The following TGFA variants were observed in gnomAD, a reference collection of about 807,000 sequenced individuals.
TGFA encodes transforming growth factor alpha.
In TGFA, 12 loss-of-function variants were observed where a neutral mutation model predicts 21.7. The observed-to-expected ratio is 0.55, with a 90% confidence interval of 0.35 to 0.90. The LOEUF (loss-of-function observed/expected upper bound fraction) is 0.90. Among genes scored for constraint, TGFA ranks in the 40% least tolerant of loss-of-function variants. TGFA has a pLI of 0.01. For synonymous variants in TGFA, 79 were observed against 88.1 expected, an observed-to-expected ratio of 0.90 and a Z score of 0.58; for missense variants, 178 against 210.8, an observed-to-expected ratio of 0.84 and a Z score of 0.96.
intron 2 of TGFA, among the ~76,000 whole-genome samples, chr2:70,501,307 G>A (rs1246539709): frequency 6.7e-6 from 1 of 149,482 alleles, no homozygotes; most frequent in Non-Finnish European, 1.5e-5. Flanking sequence ...GCCCTCAAGA[G>A]AGGACAGCCT....
intron 1 of TGFA, among the ~76,000 whole-genome samples, chr2:70,531,733 T>C (rs1553503738): frequency 6.6e-6 from 1 of 152,122 alleles, no homozygotes; most frequent in African/African-American, 2.4e-5. Context: ...TCAAACAATA[T>C]CTGCTGCTAT....
chr2:70,452,030 CA>C (rs1195416704), intron 5 of TGFA, among the ~76,000 whole-genome samples: 2 of 152,178 alleles, frequency 1.3e-5, no homozygotes, highest in African/African-American at 4.8e-5. Flanking sequence ...AGAACAAACA[CA>C]TATGTTCTTG....
At chr2:70,491,636 C>T (rs1225646207) in intron 2 of TGFA, among the ~76,000 whole-genome samples, 1 of 152,216 alleles carries the variant, frequency 6.6e-6, no homozygotes, top group African/African-American at 2.4e-5. Flanking sequence ...CAGCCATGCC[C>T]CTTCCCCGGA....
chr2:70,499,198 A>G (rs2103807838), intron 2 of TGFA, among the ~76,000 whole-genome samples: 1 of 152,344 alleles, frequency 6.6e-6, no homozygotes, highest in Middle Eastern at 3.4e-3. Context: ...TTACCAGTGT[A>G]CACTCACCTC....
chr2:70,499,401 G>A (rs1178303094), intron 2 of TGFA, among the ~76,000 whole-genome samples: 2 of 152,238 alleles, frequency 1.3e-5, no homozygotes, highest in African/African-American at 4.8e-5. Context: ...GAGTATCCCA[G>A]GGCCCGCAGT....
At chr2:70,531,373 T>C (rs551609007) in intron 1 of TGFA, among the ~76,000 whole-genome samples, 1 of 152,320 alleles carries the variant, frequency 6.6e-6, no homozygotes, top group African/African-American at 2.4e-5. Flanking sequence ...TCCGTAGTGA[T>C]TCTCCATGGC....
chr2:70,455,939 T>G (rs1670214896), intron 4 of TGFA, among the ~76,000 whole-genome samples: 1 of 152,216 alleles, frequency 6.6e-6, no homozygotes, highest in Non-Finnish European at 1.5e-5. Context: ...CCTCGACATG[T>G]ATTTGCAAAG....
chr2:70,533,598 A>G (rs1442337245), intron 1 of TGFA, among the ~76,000 whole-genome samples: 1 of 152,140 alleles, frequency 6.6e-6, no homozygotes, highest in African/African-American at 2.4e-5. Context: ...CCTCCCCAAC[A>G]GACCAGCAGG....
chr2:70,494,336 T>A (rs1349700852), intron 2 of TGFA, among the ~76,000 whole-genome samples: 1 of 152,230 alleles, frequency 6.6e-6, no homozygotes, highest in East Asian at 1.9e-4. Context: ...CTGGAGAATA[T>A]GAGTTGGACA....
intron 1 of TGFA, among the ~76,000 whole-genome samples, chr2:70,521,341 C>T (rs906125227): frequency 6.6e-6 from 1 of 152,180 alleles, no homozygotes; most frequent in African/African-American, 2.4e-5. Context: ...TGCCCCTTTT[C>T]CCTGCACAAA....
intron 1 of TGFA, among the ~76,000 whole-genome samples, chr2:70,518,824 G>T (rs1385069507): frequency 6.6e-6 from 1 of 152,226 alleles, no homozygotes; most frequent in Non-Finnish European, 1.5e-5. Flanking sequence ...ACCATGTCCT[G>T]CTCTGGCCTC....
chr2:70,450,731 A>G lies in TGFA; in HGVS notation c.*128T>C, dbSNP rs1342681686. On this transcript the variant is annotated 3_prime_UTR_variant, in exon 6 of 6. Transcript: ENST00000295400. ...GTTTTGAAGGCCCACAAAAGGCTGC[A>G]CAGGTGATTACAGGCCAAGTAGGAA... 9.6e-7 allele frequency: 1 copy of G among 1,042,238 alleles called. No homozygotes were observed. Among genetic ancestry groups the G allele is most frequent in the East Asian group, 2.6e-5 (1 of 38,316 alleles). The allele number at this position is 1,042,238 out of a possible 1,614,324, so 64.6% of individuals were successfully genotyped here. A position where few individuals can be genotyped will look rare whatever the true frequency, so the allele number is the denominator to read the frequency against.
intron 1 of TGFA, among the ~76,000 whole-genome samples, chr2:70,515,263 A>C (rs146741091): frequency 6.6e-6 from 1 of 152,264 alleles, no homozygotes; most frequent in Non-Finnish European, 1.5e-5. Context: ...CATAAAATTT[A>C]CCATTTCAAC....
chr2:70,518,341 G>A (rs536418987), intron 1 of TGFA, among the ~76,000 whole-genome samples: 9 of 152,218 alleles, frequency 5.9e-5, no homozygotes, highest in African/African-American at 2.2e-4. Flanking sequence ...CACATGCAAC[G>A]GAAGAAAACC....
intron 4 of TGFA, among the ~76,000 whole-genome samples, chr2:70,455,750 G>T (rs544365764): frequency 6.6e-6 from 1 of 152,262 alleles, no homozygotes; most frequent in Non-Finnish European, 1.5e-5. Flanking sequence ...GGAGATGTGG[G>T]CAAGCAAATG....
intron 2 of TGFA, among the ~76,000 whole-genome samples, chr2:70,492,777 T>C (rs1267625845): frequency 6.6e-6 from 1 of 152,198 alleles, no homozygotes; most frequent in African/African-American, 2.4e-5. Flanking sequence ...GGTTAACAAG[T>C]CATAACTACG....
intron 2 of TGFA, among the ~76,000 whole-genome samples, chr2:70,511,944 G>A (rs1019261086): frequency 3.3e-5 from 5 of 149,800 alleles, no homozygotes; most frequent in Non-Finnish European, 5.9e-5. Context: ...CTACAATGAC[G>A]GGCAGTGAGT....
chr2:70,456,677 A>C (rs1411372832), intron 3 of TGFA, among the ~76,000 whole-genome samples, 189 bp from the exon 4 acceptor site: 2 of 152,230 alleles, frequency 1.3e-5, no homozygotes, highest in African/African-American at 4.8e-5. Context: ...ACCGCTGCTT[A>C]TGTGGAGAAG....
intron 5 of TGFA, among the ~76,000 whole-genome samples, chr2:70,451,994 C>T (rs1454670781): frequency 6.6e-6 from 1 of 152,210 alleles, no homozygotes; most frequent in East Asian, 1.9e-4. Context: ...CCTTACTGTG[C>T]ACGATGACTA....
Sources: gnomAD v4.1 joint callset for allele counts (sites outside exome capture counted in the v4.1 genomes callset) on GRCh38, gnomAD v4.1.1 for gene constraint, MANE v1.5 for transcripts, NCBI Gene and HGNC (gene_info 2026-07-23, HGNC 2026-07-21) for gene names.